KCNH5: variants seen among roughly 807,000 people sequenced by gnomAD.
KCNH5 encodes the protein voltage-gated delayed rectifier potassium channel KCNH5.
In KCNH5, 46 loss-of-function variants were observed where a neutral mutation model predicts 96.1. The observed-to-expected ratio is 0.48, with a 90% CI of 0.38 to 0.61. The LOEUF is 0.61. KCNH5 is among the 20% of genes least tolerant of loss of function. The pLI, the probability that KCNH5 is intolerant of heterozygous loss-of-function variation, is 0.00. For synonymous variants in KCNH5, 439 were observed against 449.8 expected, an observed-to-expected ratio of 0.98 and a Z score of 0.30; for missense variants, 907 against 1,225.8, an observed-to-expected ratio of 0.74 and a Z score of 3.88.
At chr14:62,967,010 T>C (rs969756548) in intron 6 of KCNH5, among the ~76,000 whole-genome samples, 1 of 152,060 alleles carries the variant, frequency 6.6e-6, no homozygotes, top group Non-Finnish European at 1.5e-5. Flanking sequence ...TTTTAACAGG[T>C]TGTGTTGGTA....
intron 7 of KCNH5, among the ~76,000 whole-genome samples, chr14:62,864,411 T>C (rs553584326): frequency 1.3e-5 from 2 of 152,312 alleles, no homozygotes; most frequent in Admixed American, 6.5e-5. Flanking sequence ...CTCTAGAACC[T>C]GAAACCACTG....
chr14:62,804,186 T>A (rs1005392305), intron 8 of KCNH5, among the ~76,000 whole-genome samples: 2 of 152,156 alleles, frequency 1.3e-5, no homozygotes, highest in African/African-American at 2.4e-5. Context: ...CATTATTTAA[T>A]CATCTCTGGG....
chr14:62,981,038 A>G lies in KCNH5; in HGVS notation c.776T>C (p.Leu259Pro). 1 of 1,614,194 alleles carries G rather than the reference A, an allele frequency of 6.2e-7. No individual in the cohort carries two copies. Among genetic ancestry groups the G allele is most frequent in the Non-Finnish European group, 8.5e-7 (1 of 1,180,022 alleles). ...VLDSVVDVIFLVDIVLNFHTT... is the reference protein window; with the variant it reads ...VLDSVVDVIFPVDIVLNFHTT... ...GTGAAAATTTAAAACGATGTCAACC[A>G]GAAAAATAACGTCCACCACACTATC... The change falls in exon 6 of 11, where the codon CTG (leucine) becomes CCG (proline). Residue 259 changes from leucine (L) to proline (P), a missense_variant. By Grantham distance (98) the Leu-to-Pro change is moderately conservative (BLOSUM62 -3). Coordinates refer to ENST00000322893, the MANE Select transcript of KCNH5 (RefSeq NM_139318.5).
intron 2 of KCNH5, among the ~76,000 whole-genome samples, chr14:63,010,193 A>G (rs75864334): frequency 6.6e-4 from 101 of 152,332 alleles, no homozygotes; most frequent in African/African-American, 2.3e-3. Flanking sequence ...CCACTTACAA[A>G]GTGGATAATT....
chr14:62,923,584 A>G (rs533833717), intron 7 of KCNH5, among the ~76,000 whole-genome samples: 2 of 152,050 alleles, frequency 1.3e-5, no homozygotes, highest in African/African-American at 4.8e-5. Flanking sequence ...CAAAGCTTCA[A>G]TAATCAGAAT....
intron 8 of KCNH5, among the ~76,000 whole-genome samples, chr14:62,838,042 CA>C (rs2140034096): frequency 6.6e-6 from 1 of 152,222 alleles, no homozygotes; most frequent in African/African-American, 2.4e-5. Flanking sequence ...ACAAGGGTTA[CA>C]ATATTAAACT....
intron 10 of KCNH5, among the ~76,000 whole-genome samples, chr14:62,736,697 C>T (rs1249516854): frequency 1.3e-5 from 2 of 152,172 alleles, no homozygotes; most frequent in East Asian, 3.8e-4. Context: ...TAAGCCCCCT[C>T]ACCCTAAAAC....
At chr14:62,912,867 A>G (rs1332034142) in intron 7 of KCNH5, among the ~76,000 whole-genome samples, 1 of 152,256 alleles carries the variant, frequency 6.6e-6, no homozygotes, top group Non-Finnish European at 1.5e-5. Flanking sequence ...ATTTACAGGC[A>G]GTAAGGTATA....
intron 10 of KCNH5, among the ~76,000 whole-genome samples, chr14:62,758,487 C>T (rs73271173): frequency 0.013 from 1,955 of 152,292 alleles, 45 homozygotes; most frequent in African/African-American, 0.045. Flanking sequence ...TCAAATTCCT[C>T]TTTTCCCTCT....
chr14:62,880,612 T>C (rs569916275), intron 7 of KCNH5, among the ~76,000 whole-genome samples: 1 of 152,302 alleles, frequency 6.6e-6, no homozygotes, highest in South Asian at 2.1e-4. Context: ...GTCATACATG[T>C]TTAGAACGAT....
chr14:62,992,004 A>G (rs1235398073), intron 4 of KCNH5, among the ~76,000 whole-genome samples: 1 of 152,050 alleles, frequency 6.6e-6, no homozygotes, highest in East Asian at 1.9e-4. Context: ...CAAGTCTCCA[A>G]TGTCTATCAT....
At chr14:62,968,576 T>C (rs541503708) in intron 6 of KCNH5, among the ~76,000 whole-genome samples, 86 of 152,324 alleles carry the variant, frequency 5.6e-4, no homozygotes, top group African/African-American at 2.0e-3. Context: ...GGTCAAAGGA[T>C]ATGCCCTATA....
At chr14:62,746,527 G>A (rs1018605375) in intron 10 of KCNH5, among the ~76,000 whole-genome samples, 1 of 152,202 alleles carries the variant, frequency 6.6e-6, no homozygotes, top group Non-Finnish European at 1.5e-5. Flanking sequence ...CAATCAGGGG[G>A]CACTTTAGGG....
chr14:62,872,190 G>A (rs1888269972), intron 7 of KCNH5, among the ~76,000 whole-genome samples: 1 of 152,126 alleles, frequency 6.6e-6, no homozygotes, highest in South Asian at 2.1e-4. Context: ...CGTGTCAGAT[G>A]CACAGATAAC....
intron 4 of KCNH5, among the ~76,000 whole-genome samples, chr14:62,998,303 A>G (rs1449237382): frequency 1.3e-5 from 2 of 152,046 alleles, no homozygotes; most frequent in Non-Finnish European, 1.5e-5. Context: ...TTGAATGTCC[A>G]TGTCTTTAAT....
At chr14:62,925,760 A>G (rs947344037) in intron 7 of KCNH5, among the ~76,000 whole-genome samples, 1 of 152,088 alleles carries the variant, frequency 6.6e-6, no homozygotes, top group Non-Finnish European at 1.5e-5. Flanking sequence ...CCTTGTAGAC[A>G]TAATTGTGTA....
At chr14:62,949,519 G>C (rs185646799) in intron 7 of KCNH5, among the ~76,000 whole-genome samples, 89 of 152,136 alleles carry the variant, frequency 5.9e-4, no homozygotes, top group African/African-American at 2.0e-3. Flanking sequence ...GTTCCTTTAG[G>C]GGGTATTCTA....
chr14:62,972,551 C>T (rs1323125010), intron 6 of KCNH5, among the ~76,000 whole-genome samples: 1 of 152,156 alleles, frequency 6.6e-6, no homozygotes, highest in Non-Finnish European at 1.5e-5. Context: ...TAAACCTGCA[C>T]ATGAATGTTT....
rs144327093 is a variant in KCNH5, at chr14:62,949,430, T to C, written c.1369+703A>G. 8.1e-3 allele frequency among the ~76,000 whole-genome samples: 1,237 copies of C among 152,284 alleles called. 10 individuals are homozygous for C. The highest frequency in any genetic ancestry group is 0.013 in the Non-Finnish European group (866 of 68,012). On this transcript the variant is annotated intron_variant, in intron 7 of 10. Coordinates refer to ENST00000322893, the MANE Select transcript of KCNH5 (RefSeq NM_139318.5). ...CTCCCTCAAGATCTTCAAAAGCAGC[T>C]TCTTTGTATGTATTTCCTTTATGTT...
Sources: gnomAD v4.1 joint callset for allele counts (sites outside exome capture counted in the v4.1 genomes callset) on GRCh38, gnomAD v4.1.1 for gene constraint, MANE v1.5 for transcripts, NCBI Gene and HGNC (gene_info 2026-07-23, HGNC 2026-07-21) for gene names.